The following METAP1 variants were observed in gnomAD, a reference collection of about 807,000 sequenced individuals.
METAP1 encodes methionine aminopeptidase 1.
METAP1 carries 28 observed loss-of-function variants against 53.8 expected under a neutral mutation model. The ratio of observed to expected loss-of-function variants is 0.52; its 90% CI spans 0.39 to 0.71. METAP1 has a LOEUF of 0.71. Ranked by LOEUF, METAP1 falls within the 30% of genes least tolerant of loss-of-function variation. The pLI is 0.00. For synonymous variants in METAP1, 181 were observed against 165.7 expected (o/e 1.09, Z -0.71); for missense variants, 389 against 479.8 (o/e 0.81, Z 1.77).
chr4:99,043,362 C>T lies in METAP1; in HGVS notation c.630C>T (p.Pro210=), dbSNP rs1726010284. The change falls in exon 7 of 11, where the codon CCC becomes CCT. Residue 210 remains proline (P), a synonymous_variant. Coordinates refer to ENST00000296411, the MANE Select transcript of METAP1 (RefSeq NM_015143.3). ...GCCATGGAATACCAGACAGAAGGCC[C>T]TTACAAGAAGGTGACATTGTTAATG... ...VICHGIPDRR[P]LQEGDIVNVD... 2 of 1,602,420 alleles carry T rather than the reference C, an allele frequency of 1.2e-6. No homozygotes were observed. Among genetic ancestry groups the T allele is most frequent in the Non-Finnish European group, 8.5e-7 (1 of 1,174,070 alleles).
intron 1 of METAP1, chr4:99,022,456 G>A (rs1487145408): frequency 8.1e-6 from 5 of 620,654 alleles, no homozygotes; most frequent in Middle Eastern, 2.7e-4. Flanking sequence ...TGGCTGTGCT[G>A]CTTTCCGGGC....
In METAP1 at chr4:99,050,551, C is replaced by T. The variant is rs75030035; in HGVS notation, c.931+1675C>T. Among the ~76,000 whole-genome samples, 1,112 of 152,256 alleles carry T rather than the reference C, an allele frequency of 7.3e-3. 16 individuals carry two copies. The highest frequency in any genetic ancestry group is 0.026 in the African/African-American group (1,071 of 41,540). ...GAGCAGTCATTCAGAGCAGGGGTCC[C>T]CAGCCCCTGGGCCGCAGACAGGTAC... On this transcript the variant is annotated intron_variant, in intron 9 of 10. Coordinates refer to ENST00000296411, the MANE Select transcript of METAP1 (RefSeq NM_015143.3).
chr4:99,037,266 T>TTA (rs80087239), intron 4 of METAP1, among the ~76,000 whole-genome samples: 5,622 of 152,006 alleles, frequency 0.037, 130 homozygotes, highest in African/African-American at 0.058. Flanking sequence ...AATTGACCGT[T>TTA]TGTTTTGTCA....
chr4:99,061,996 A>G lies in METAP1; in HGVS notation c.*679A>G, dbSNP rs566058107. On this transcript the variant is annotated 3_prime_UTR_variant, in exon 11 of 11. Transcript: ENST00000296411. ...ATGAATGTAGTAAAATTCACTTTGG[A>G]AGGTTATCAGGCTTTTAAAAATCTA... 6.6e-6 allele frequency: 1 copy of G among 152,300 alleles called. No homozygotes were observed. The highest frequency in any genetic ancestry group is 1.9e-4 in the East Asian group (1 of 5,176). The allele number at this position is 152,300 out of a possible 1,614,324, so 9.4% of individuals were successfully genotyped here.
chr4:99,011,942 AAAAAC>A (rs201104558), intron 1 of METAP1, among the ~76,000 whole-genome samples: 3,353 of 152,278 alleles, frequency 0.022, 99 homozygotes, highest in African/African-American at 0.074. Context: ...CTCCATCTCA[AAAAAC>A]AAAACAAAAC....
intron 6 of METAP1, among the ~76,000 whole-genome samples, chr4:99,041,329 GAGGTA>G (rs1725850683): frequency 6.6e-6 from 1 of 152,110 alleles, no homozygotes; most frequent in Non-Finnish European, 1.5e-5. Flanking sequence ...ATTAAGGTCT[GAGGTA>G]AGCTTGAAAT....
intron 8 of METAP1, 94 bp from the exon 9 acceptor site, chr4:99,048,639 G>C (rs1560731985): frequency 1.5e-6 from 2 of 1,337,316 alleles, no homozygotes; most frequent in South Asian, 2.7e-5. Flanking sequence ...CAAAGTGCTG[G>C]GATTACAGGC....
chr4:99,021,496 C>A (rs1056312461), intron 1 of METAP1, among the ~76,000 whole-genome samples: 1 of 151,914 alleles, frequency 6.6e-6, no homozygotes, highest in African/African-American at 2.4e-5. Context: ...TGTCCCCATA[C>A]GAGCCACAAA....
chr4:99,033,404 T>TA (rs911377854), intron 2 of METAP1, among the ~76,000 whole-genome samples: 4 of 152,184 alleles, frequency 2.6e-5, no homozygotes, highest in Admixed American at 2.6e-4. Flanking sequence ...TCCGGCTACT[T>TA]AAAGTCTTAT....
chr4:99,008,469 G>T (rs1393687696), intron 1 of METAP1, among the ~76,000 whole-genome samples: 1 of 152,180 alleles, frequency 6.6e-6, no homozygotes, highest in Non-Finnish European at 1.5e-5. Flanking sequence ...TAAAACAGAA[G>T]TGTGTTAGGT....
intron 1 of METAP1, among the ~76,000 whole-genome samples, chr4:99,000,045 C>A (rs956287046): frequency 6.6e-6 from 1 of 151,964 alleles, no homozygotes; most frequent in Non-Finnish European, 1.5e-5. Context: ...CACAGTAGGC[C>A]CTCATTTCCT....
intron 1 of METAP1, among the ~76,000 whole-genome samples, chr4:99,007,641 GAT>G (rs1297862608): frequency 3.3e-5 from 5 of 151,874 alleles, no homozygotes; most frequent in African/African-American, 1.2e-4. Context: ...CTACCAAGAA[GAT>G]AGAAATGGTT....
intron 10 of METAP1, among the ~76,000 whole-genome samples, chr4:99,060,291 T>G (rs1727447398): frequency 6.6e-6 from 1 of 151,896 alleles, no homozygotes; most frequent in Non-Finnish European, 1.5e-5. Flanking sequence ...CACCCACTGT[T>G]CTGCTTTCTA....
intron 9 of METAP1, among the ~76,000 whole-genome samples, chr4:99,050,491 G>A (rs1726613091): frequency 6.6e-6 from 1 of 152,202 alleles, no homozygotes; most frequent in African/African-American, 2.4e-5. Flanking sequence ...AAGAGAAAGT[G>A]AAATGAGTGA....
rs202156798 is a variant in METAP1, at chr4:98,996,677, CG to C, written c.114+811del. Among the ~76,000 whole-genome samples the C allele has an allele frequency of 7.8e-3, 1,195 of 152,272 alleles. 19 individuals carry two copies. The highest frequency in any genetic ancestry group is 0.033 in the Admixed American group (500 of 15,292). On this transcript the variant is annotated intron_variant, in intron 1 of 10. Coordinates refer to ENST00000296411, the MANE Select transcript of METAP1 (RefSeq NM_015143.3). ...GTTTTGTGCAGTAGAGCAAACCCAG[CG>C]TTGAATGGGGTCCAGACTGAAGCGT...
chr4:99,042,677 C>G lies in METAP1; in HGVS notation c.517-572C>G, dbSNP rs563024922. On this transcript the variant is annotated intron_variant, in intron 6 of 10. Transcript: ENST00000296411. ...CATCAAAAATGCTTGTTAATATTTA[C>G]TTCAAATATTTTATTTTTACTTTAA... Among the ~76,000 whole-genome samples the G allele has an allele frequency of 3.3e-5, 5 of 152,138 alleles. No homozygotes were observed. In the East Asian group the frequency reaches 9.6e-4, roughly 29 times the overall value.
chr4:99,004,446 T>TACACACACACACACAC (rs1189663861), intron 1 of METAP1, among the ~76,000 whole-genome samples: 1 of 80,008 alleles, frequency 1.2e-5, no homozygotes, highest in Non-Finnish European at 3.7e-5. Flanking sequence ...TGTGGACAGA[T>TACACACACACACACAC]ACACACACAC....
intron 8 of METAP1, among the ~76,000 whole-genome samples, chr4:99,047,086 A>G (rs1358544489): frequency 1.3e-5 from 2 of 152,042 alleles, no homozygotes; most frequent in Non-Finnish European, 2.9e-5. Flanking sequence ...AAGTGCTTTG[A>G]ATTCCTTTGT....
intron 2 of METAP1, chr4:99,031,562 G>A (rs1388925342): frequency 2.3e-6 from 3 of 1,288,652 alleles, no homozygotes; most frequent in Non-Finnish European, 3.0e-6. Flanking sequence ...TGTGACCATG[G>A]GTTATTCTAA....
Sources: allele counts gnomAD v4.1 joint callset (sites outside exome capture counted in the v4.1 genomes callset), GRCh38; gene constraint gnomAD v4.1.1; transcripts MANE v1.5; gene names NCBI Gene and HGNC (gene_info 2026-07-23, HGNC 2026-07-21).